RAP1GAP2: variants seen among roughly 807,000 people sequenced by gnomAD.
RAP1GAP2 encodes RAP1 GTPase activating protein 2, also known as rap1 GTPase-activating protein 2.
A neutral mutation model predicts 95.0 loss-of-function variants in RAP1GAP2; 27 were observed. The ratio of observed to expected loss-of-function variants is 0.28; its 90% CI spans 0.21 to 0.39. RAP1GAP2 has a LOEUF of 0.39. Among genes scored for constraint, RAP1GAP2 ranks in the 10% least tolerant of loss-of-function variants. The pLI, the probability that RAP1GAP2 is intolerant of heterozygous loss-of-function variation, is 1.00. For missense variants in RAP1GAP2, 771 were observed against 970.0 expected, an observed-to-expected ratio of 0.79 and a Z score of 2.72; for synonymous variants, 373 against 380.9, an observed-to-expected ratio of 0.98 and a Z score of 0.24.
chr17:2,805,372 T>C (rs1292970226), intron 2 of RAP1GAP2, among the ~76,000 whole-genome samples: 1 of 152,018 alleles, frequency 6.6e-6, no homozygotes, highest in African/African-American at 2.4e-5. Context: ...TATTTCTTTT[T>C]TGAGACCGCG....
At chr17:3,028,960 C>T (rs892969851) in intron 22 of RAP1GAP2, among the ~76,000 whole-genome samples, 4 of 152,048 alleles carry the variant, frequency 2.6e-5, no homozygotes, top group East Asian at 1.9e-4. Flanking sequence ...GCCACATGCC[C>T]GGCTAATTTT....
intron 3 of RAP1GAP2, among the ~76,000 whole-genome samples, chr17:2,945,983 C>G (rs57618133): frequency 0.063 from 9,608 of 151,908 alleles, 699 homozygotes; most frequent in African/African-American, 0.18. Flanking sequence ...TAGAGACGGG[C>G]TTTCACCATG....
intron 2 of RAP1GAP2, among the ~76,000 whole-genome samples, chr17:2,809,632 C>T (rs985293463): frequency 6.6e-6 from 1 of 152,226 alleles, no homozygotes; most frequent in African/African-American, 2.4e-5. Flanking sequence ...TGGGAAGACT[C>T]ACGGTCCTGT....
intron 1 of RAP1GAP2, among the ~76,000 whole-genome samples, chr17:2,781,517 C>T (rs532984573): frequency 1.9e-4 from 29 of 150,602 alleles, no homozygotes; most frequent in African/African-American, 6.6e-4. Flanking sequence ...GTGTGTGCAC[C>T]GTGTGAGCAC....
In RAP1GAP2 at chr17:3,027,188, T is replaced by A. The variant is rs559400220; in HGVS notation, c.2107+118T>A. The A allele has an allele frequency of 7.7e-7, 1 of 1,307,004 alleles. No homozygotes were observed. Among genetic ancestry groups the A allele is most frequent in the African/African-American group, 1.5e-5 (1 of 67,366 alleles). 81.0% of individuals were successfully genotyped at this position (1,307,004 alleles called of 1,614,324 possible). On this transcript the variant is annotated intron_variant, in intron 22 of 24. Transcript: ENST00000254695. This position sits in a 1 kb window ranked among gnomAD's most constrained non-coding sequence, Gnocchi z 5.2. The stretch of plus-strand genomic sequence containing the variant: ...CAGTTTTCACCCCTCCTCCCAGCTG[T>A]GAGGCCCTCCGCTCTGTGCGCCCGC...
Position 2,965,262 on chromosome 17 carries a change from T to C in RAP1GAP2, c.493-278T>C, listed in dbSNP as rs946290153. On this transcript the variant is annotated intron_variant, in intron 7 of 24. Transcript: ENST00000254695. This position sits in a 1 kb window ranked among gnomAD's most constrained non-coding sequence, Gnocchi z 4.7. ...GGGCAGTGACTTAACCCCCCGACCA[T>C]TGGTTTTCCCATCTGTGAAATGGGG... is the stretch of plus-strand genomic sequence containing the variant. 2.0e-5 allele frequency: 9 copies of C among 445,592 alleles called. No individual in the cohort carries two copies. Among genetic ancestry groups the C allele is most frequent in the African/African-American group, 5.9e-5 (3 of 50,478 alleles). The allele number at this position is 445,592 out of a possible 1,614,324, so 27.6% of individuals were successfully genotyped here.
chr17:2,971,165 G>A (rs1017535), intron 8 of RAP1GAP2, among the ~76,000 whole-genome samples: 110,971 of 152,138 alleles, frequency 0.73, 41,078 homozygotes, highest in African/African-American at 0.86. Context: ...ATACATTTCA[G>A]AGAGCAAGCT....
chr17:2,879,736 AAAAG>A (rs1205558654), intron 2 of RAP1GAP2, among the ~76,000 whole-genome samples: 1 of 151,172 alleles, frequency 6.6e-6, no homozygotes, highest in Admixed American at 6.6e-5. Flanking sequence ...AAAAAAAAAA[AAAAG>A]AAAGTCCCTG....
chr17:2,922,832 GTTTT>G (rs1182641512), intron 3 of RAP1GAP2, among the ~76,000 whole-genome samples: 1 of 75,050 alleles, frequency 1.3e-5, no homozygotes. Flanking sequence ...TTTTGTTTTT[GTTTT>G]TTTTTTTTTT....
chr17:2,967,476 T>C (rs1191092689), intron 8 of RAP1GAP2, among the ~76,000 whole-genome samples: 1 of 152,016 alleles, frequency 6.6e-6, no homozygotes, highest in East Asian at 1.9e-4. Flanking sequence ...TCTTTAGGAG[T>C]GAGAGTGAGC....
chr17:2,942,986 C>G lies in RAP1GAP2; in HGVS notation c.166-14773C>G, dbSNP rs573664656. Among the ~76,000 whole-genome samples the G allele has an allele frequency of 4.6e-5, 7 of 152,158 alleles. No individual in the cohort carries two copies. In the South Asian group the frequency reaches 8.3e-4, roughly 18 times the overall value. ...GTTTCACCATGTTGGTCAGGCTGGTCTTGAACTCCTGACCTCAAGTGATCT... is the reference window on the plus strand; with the variant it reads ...GTTTCACCATGTTGGTCAGGCTGGTGTTGAACTCCTGACCTCAAGTGATCT... On this transcript the variant is annotated intron_variant, in intron 3 of 24. Transcript: ENST00000254695.
intron 2 of RAP1GAP2, among the ~76,000 whole-genome samples, chr17:2,877,014 G>A (rs540135038): frequency 6.6e-5 from 10 of 150,534 alleles, no homozygotes; most frequent in South Asian, 6.4e-4. Flanking sequence ...TCAGCCTCCC[G>A]AGTAGCTGGG....
intron 18 of RAP1GAP2, among the ~76,000 whole-genome samples, chr17:3,018,401 G>A (rs1011745271): frequency 3.3e-5 from 5 of 152,150 alleles, no homozygotes; most frequent in African/African-American, 1.2e-4. Flanking sequence ...ATCCTAGACA[G>A]CACCCGGGGT....
At chr17:2,771,642 A>G (rs1031694537) in intron 2 of RAP1GAP2, among the ~76,000 whole-genome samples, 2 of 151,696 alleles carry the variant, frequency 1.3e-5, no homozygotes, top group Non-Finnish European at 2.9e-5. Flanking sequence ...GATGCCCGCC[A>G]CCATACCTGG....
intron 3 of RAP1GAP2, among the ~76,000 whole-genome samples, chr17:2,937,357 T>A (rs2043336914): frequency 6.6e-6 from 1 of 152,164 alleles, no homozygotes; most frequent in African/African-American, 2.4e-5. Flanking sequence ...TTCTGGACCC[T>A]GGGATGCTGT....
intron 3 of RAP1GAP2, among the ~76,000 whole-genome samples, chr17:2,931,121 CAAAAAA>C (rs67067799): frequency 1.5e-5 from 1 of 67,162 alleles, no homozygotes; most frequent in Non-Finnish European, 2.9e-5. Flanking sequence ...GACTCCATCT[CAAAAAA>C]AAAAAAAAAA....
chr17:2,931,459 C>T lies in RAP1GAP2; in HGVS notation c.165+26091C>T, dbSNP rs139628311. On this transcript the variant is annotated intron_variant, in intron 3 of 24. Transcript: ENST00000254695. The stretch of plus-strand genomic sequence containing the variant: ...GATTCCCCCAGCCAGGACAGCGGGG[C>T]CGGGAAGGACAGCCCATTGTCCCTA... 5.1e-4 allele frequency among the ~76,000 whole-genome samples: 77 copies of T among 152,282 alleles called. 1 individual carries two copies. Among genetic ancestry groups the T allele is most frequent in the African/African-American group, 1.8e-3 (74 of 41,556 alleles).
chr17:2,943,411 G>A (rs538850275), intron 3 of RAP1GAP2, among the ~76,000 whole-genome samples: 7 of 152,274 alleles, frequency 4.6e-5, no homozygotes, highest in East Asian at 1.9e-4. Flanking sequence ...CAGTGCTCAC[G>A]CCTGTAATCC....
At chr17:2,845,081 G>A (rs2071529493) in intron 2 of RAP1GAP2, among the ~76,000 whole-genome samples, 1 of 152,204 alleles carries the variant, frequency 6.6e-6, no homozygotes, top group Admixed American at 6.5e-5. Context: ...CCCTGCACAT[G>A]TATGGCACTG....
Sources: allele counts gnomAD v4.1 joint callset (sites outside exome capture counted in the v4.1 genomes callset), GRCh38; gene constraint gnomAD v4.1.1; non-coding constraint Gnocchi (gnomAD v3.1); transcripts MANE v1.5; gene names NCBI Gene and HGNC (gene_info 2026-07-23, HGNC 2026-07-21).